The following ALDH1A3 variants were observed in gnomAD, a reference collection of about 807,000 sequenced individuals.
ALDH1A3 encodes the protein aldehyde dehydrogenase 1 family member A3, also known as retinaldehyde dehydrogenase 3.
ALDH1A3 carries 28 observed loss-of-function variants against 57.5 expected under a neutral mutation model. The observed-to-expected ratio is 0.49, with a 90% CI of 0.36 to 0.67. The LOEUF is 0.67. ALDH1A3 is among the 30% of genes least tolerant of loss of function. ALDH1A3 has a pLI of 0.00. For missense variants in ALDH1A3, 507 were observed against 669.4 expected, an observed-to-expected ratio of 0.76 and a Z score of 2.68; for synonymous variants, 281 against 264.8, an observed-to-expected ratio of 1.06 and a Z score of -0.59.
In ALDH1A3 at chr15:100,889,935, G is replaced by A. The variant is rs1001336141; in HGVS notation, c.345+2223G>A. On this transcript the variant is annotated intron_variant, in intron 3 of 12. Coordinates refer to ENST00000329841, the MANE Select transcript of ALDH1A3 (RefSeq NM_000693.4). This position sits in a 1 kb window ranked among gnomAD's most constrained non-coding sequence, Gnocchi z 5.1. ...CGCCCCTTGCTCTCCACCTCGATAT[G>A]GTTTCCGTGCATGTTCATGGAGCGT... 6.6e-6 allele frequency among the ~76,000 whole-genome samples: 1 copy of A among 152,228 alleles called. No individual in the cohort carries two copies. The highest frequency in any genetic ancestry group is 2.4e-5 in the African/African-American group (1 of 41,456).
chr15:100,913,135 G>C (rs1256878594), intron 12 of ALDH1A3: 6 of 29,000 alleles, frequency 2.1e-4, no homozygotes, highest in African/African-American at 7.0e-4. Context: ...TCCAGCCTGG[G>C]CGACAGAGCG....
chr15:100,887,744 A>G lies in ALDH1A3; in HGVS notation c.345+32A>G, dbSNP rs1162372789. On this transcript the variant is annotated intron_variant, in intron 3 of 12. Transcript: ENST00000329841. This position sits in a 1 kb window ranked among gnomAD's most constrained non-coding sequence, Gnocchi z 4.6. The stretch of plus-strand genomic sequence containing the variant: ...ACATGCACTTGGGGGCCGGTGGGGG[A>G]TGAGCCAGCCTCACTGAGGGTCCTG... The G allele has an allele frequency of 1.1e-5, 17 of 1,554,742 alleles. No homozygotes were observed. Among genetic ancestry groups the G allele is most frequent in the Non-Finnish European group, 1.5e-5 (17 of 1,146,418 alleles).
In ALDH1A3 at chr15:100,915,119, C is replaced by T. The variant is rs564686380; in HGVS notation, c.*346C>T. On this transcript the variant is annotated 3_prime_UTR_variant, in exon 13 of 13. Coordinates refer to ENST00000329841, the MANE Select transcript of ALDH1A3 (RefSeq NM_000693.4). The stretch of plus-strand genomic sequence containing the variant: ...CCAGCAGTTGCTTGAAATGCTTTGC[C>T]GAATCTGACTCCAGTAAGAATGTGG... 186 of 239,728 alleles carry T rather than the reference C, an allele frequency of 7.8e-4. No individual in the cohort carries two copies. Among genetic ancestry groups the T allele is most frequent in the Non-Finnish European group, 1.3e-3 (154 of 119,474 alleles). 14.9% of individuals were successfully genotyped at this position (239,728 alleles called of 1,614,324 possible). A position where few individuals can be genotyped will look rare whatever the true frequency, so the allele number is the denominator to read the frequency against.
intron 2 of ALDH1A3, among the ~76,000 whole-genome samples, chr15:100,886,066 G>C (rs987067985): frequency 6.6e-6 from 1 of 152,212 alleles, no homozygotes. Flanking sequence ...TTAGCTGCTG[G>C]AGTGCTGGAC....
chr15:100,907,844 C>CTTTTTTTTTTTTTTTTT (rs71151987), intron 11 of ALDH1A3, among the ~76,000 whole-genome samples: 7 of 81,910 alleles, frequency 8.5e-5, no homozygotes, highest in East Asian at 4.3e-4. Context: ...TTCTTTCTTT[C>CTTTTTTTTTTTTTTTTT]TTTTTTTTTT....
intron 3 of ALDH1A3, chr15:100,888,982 A>T (rs2041622955): frequency 6.6e-6 from 1 of 152,212 alleles, no homozygotes; most frequent in Non-Finnish European, 1.5e-5. Flanking sequence ...CATGAGGCTG[A>T]GCTGCCAAGG....
chr15:100,906,729 G>A lies in ALDH1A3; in HGVS notation c.1234-392G>A, dbSNP rs1338460648. 6.6e-6 allele frequency among the ~76,000 whole-genome samples: 1 copy of A among 152,044 alleles called. No individual in the cohort carries two copies. Among genetic ancestry groups the A allele is most frequent in the African/African-American group, 2.4e-5 (1 of 41,376 alleles). On this transcript the variant is annotated intron_variant, in intron 10 of 12. Coordinates refer to ENST00000329841, the MANE Select transcript of ALDH1A3 (RefSeq NM_000693.4). This position sits in a 1 kb window ranked among gnomAD's most constrained non-coding sequence, Gnocchi z 4.8. Reference sequence around the variant, plus strand: ...TAGAAAACACAGCTCCAAGAGGTAGGAGCACAGTCTTACAAAGTGCCTGCA... The same window carrying A: ...TAGAAAACACAGCTCCAAGAGGTAGAAGCACAGTCTTACAAAGTGCCTGCA...
chr15:100,898,413 G>A (rs559871173), intron 8 of ALDH1A3, among the ~76,000 whole-genome samples: 32 of 152,344 alleles, frequency 2.1e-4, no homozygotes, highest in Middle Eastern at 3.4e-3. Context: ...CTGCCAAAAC[G>A]ATATGGCTTG....
At chr15:100,910,005 T>C (rs572154171) in intron 12 of ALDH1A3, among the ~76,000 whole-genome samples, 1 of 152,336 alleles carries the variant, frequency 6.6e-6, no homozygotes, top group African/African-American at 2.4e-5. Context: ...CCTTGGGCCT[T>C]GGTTGGGGCC....
chr15:100,909,473 CAG>C (rs2041861665), intron 12 of ALDH1A3, among the ~76,000 whole-genome samples: 2 of 78,026 alleles, frequency 2.6e-5, no homozygotes, highest in South Asian at 7.2e-4. Flanking sequence ...GCAAACTCCT[CAG>C]TGTGTGAACC....
Position 100,894,323 on chromosome 15 carries a change from A to C in ALDH1A3, c.666+241A>C. 2.2e-6 allele frequency: 1 copy of C among 453,470 alleles called. No individual in the cohort carries two copies. Among genetic ancestry groups the C allele is most frequent in the Non-Finnish European group, 3.9e-6 (1 of 254,502 alleles). The allele number at this position is 453,470 out of a possible 1,614,324, so 28.1% of individuals were successfully genotyped here. On this transcript the variant is annotated intron_variant, in intron 6 of 12. Coordinates refer to ENST00000329841, the MANE Select transcript of ALDH1A3 (RefSeq NM_000693.4). This position sits in a 1 kb window ranked among gnomAD's most constrained non-coding sequence, Gnocchi z 4.5. Reference sequence around the variant, plus strand: ...ATGCTTAACTCTTATTATGGGCTCAAACCTATGGTTGAGGACCCAGTGGTT... The same window carrying C: ...ATGCTTAACTCTTATTATGGGCTCACACCTATGGTTGAGGACCCAGTGGTT...
chr15:100,908,506 C>T lies in ALDH1A3; in HGVS notation c.1466+24C>T, dbSNP rs377069366. On this transcript the variant is annotated intron_variant, in intron 12 of 12. Transcript: ENST00000329841. ...CTGTAAGTGTTTCCATCATTCTGAG[C>T]CTGCCGTGGGCTGAACACTAGATCC... 6.9e-6 allele frequency: 11 copies of T among 1,592,130 alleles called. No individual in the cohort carries two copies. The South Asian group carries it at 8.8e-5, about 13-fold the overall frequency.
chr15:100,885,430 G>A, intron 2 of ALDH1A3, 59 bp downstream of exon 2: 1 of 1,333,040 alleles, frequency 7.5e-7, no homozygotes, highest in Non-Finnish European at 1.1e-6. Context: ...CAAAGGATAA[G>A]GAAACGGTTC....
intron 3 of ALDH1A3, 86 bp from the exon 4 acceptor site, chr15:100,892,424 C>T (rs1477302717): frequency 6.3e-7 from 1 of 1,584,248 alleles, no homozygotes; most frequent in African/African-American, 1.4e-5. Context: ...GGACTGTGTT[C>T]TCTCCCCAAC....
chr15:100,892,350 A>G, intron 3 of ALDH1A3, 160 bp from the exon 4 acceptor site: 1 of 927,464 alleles, frequency 1.1e-6, no homozygotes, highest in Non-Finnish European at 1.6e-6. Flanking sequence ...GCCTCGCTTT[A>G]CATTTGGTGT....
At chr15:100,913,298 T>C (rs1327005533) in intron 12 of ALDH1A3, 5 of 152,250 alleles carry the variant, frequency 3.3e-5, no homozygotes, top group Admixed American at 3.3e-4. Flanking sequence ...TATCTTATAG[T>C]TCTGTAGGAT....
chr15:100,900,664 C>A lies in ALDH1A3; in HGVS notation c.973C>A (p.Gln325Lys). The A allele has an allele frequency of 1.2e-6, 2 of 1,614,030 alleles. No homozygotes were observed. Among genetic ancestry groups the A allele is most frequent in the Non-Finnish European group, 8.5e-7 (1 of 1,179,988 alleles). ...AGCCTCCAGGGTGTTCGTGGAGGAG[C>A]AGGTCTACTCTGAGTTTGTCAGGCG... ...TAASRVFVEEQVYSEFVRRSV... is the reference protein window; with the variant it reads ...TAASRVFVEEKVYSEFVRRSV... The change falls in exon 9 of 13, where the codon CAG becomes AAG. Residue 325 changes from glutamine to lysine, a missense_variant. Physicochemically the swap from Gln to Lys is moderately conservative, Grantham distance 53. Coordinates refer to ENST00000329841, the MANE Select transcript of ALDH1A3 (RefSeq NM_000693.4).
intron 7 of ALDH1A3, among the ~76,000 whole-genome samples, chr15:100,897,791 C>T (rs912955575): frequency 2.0e-5 from 3 of 152,248 alleles, no homozygotes; most frequent in Admixed American, 6.5e-5. Context: ...GACAGGTTAG[C>T]GGGTGGCAGC....
At chr15:100,913,322 A>G (rs942129291) in intron 12 of ALDH1A3, 7 of 152,256 alleles carry the variant, frequency 4.6e-5, no homozygotes, top group African/African-American at 1.4e-4. Context: ...AATCTGACAC[A>G]GGTCTCCCTG....
Sources: allele counts gnomAD v4.1 joint callset (sites outside exome capture counted in the v4.1 genomes callset), GRCh38; gene constraint gnomAD v4.1.1; non-coding constraint Gnocchi (gnomAD v3.1); transcripts MANE v1.5; gene names NCBI Gene and HGNC (gene_info 2026-07-23, HGNC 2026-07-21).